The following FN1 variants were observed in gnomAD, a reference collection of about 807,000 sequenced individuals.
FN1 encodes the protein fibronectin.
A neutral mutation model predicts 297.3 loss-of-function variants in FN1; 106 were observed. The ratio of observed to expected loss-of-function variants is 0.36; its 90% CI spans 0.30 to 0.42. FN1 has a LOEUF of 0.42. Ranked by LOEUF, FN1 falls within the 10% of genes least tolerant of loss-of-function variation. FN1 has a pLI of 1.00. For missense variants in FN1, 2,690 were observed against 3,124.9 expected (o/e 0.86, Z 3.32); for synonymous variants, 1,149 against 1,152.6 (o/e 1.00, Z 0.06).
In FN1 at chr2:215,397,848, G is replaced by C. The variant is rs1559461504; in HGVS notation, c.3349C>G (p.Leu1117Val). 3 of 1,613,958 alleles carry C rather than the reference G, an allele frequency of 1.9e-6. No individual in the cohort carries two copies. The highest frequency in any genetic ancestry group is 1.7e-6 in the Non-Finnish European group (2 of 1,179,846). Reference protein sequence around the residue: ...WTPAPRIGFKLGVRPSQGGEA... With the variant: ...WTPAPRIGFKVGVRPSQGGEA... ...CCTCCCTGGCTTGGTCGTACACCCA[G>C]CTAGAGGAAGGAATGCAAAGTAAAC... Residue 1117 changes from leucine to valine, a missense_variant and splice_region_variant, in exon 22 of 46, where the codon CTG (leucine) becomes GTG (valine). By Grantham distance (32) the Leu-to-Val change is conservative (BLOSUM62 1). Transcript: ENST00000354785.
intron 9 of FN1, 48 bp from the exon 10 acceptor site, chr2:215,422,291 C>A (rs1353751712): frequency 6.4e-7 from 1 of 1,566,838 alleles, no homozygotes; most frequent in South Asian, 1.1e-5. Context: ...ATCACCAGGT[C>A]TAAACATGTA....
Position 215,392,244 on chromosome 2 carries a change from G to A in FN1, c.4070-430C>T. On this transcript the variant is annotated intron_variant, in intron 25 of 45. Transcript: ENST00000354785. ...AACTTCCCCCCATGTGAGATATCTA[G>A]AGCTACAGTTCCATTCAGTGAATTC... 3 of 216,444 alleles carry A rather than the reference G, an allele frequency of 1.4e-5. No homozygotes were observed. In the South Asian group the frequency reaches 2.1e-4, roughly 15 times the overall value. The allele number at this position is 216,444 out of a possible 1,614,324, so 13.4% of individuals were successfully genotyped here.
At chr2:215,405,191 C>A (rs182062621) in intron 19 of FN1, among the ~76,000 whole-genome samples, 13 of 152,256 alleles carry the variant, frequency 8.5e-5, no homozygotes, top group African/African-American at 2.9e-4. Flanking sequence ...TGGTAGGATA[C>A]TGGTGAGTTT....
chr2:215,428,171 G>A lies in FN1; in HGVS notation c.844+9C>T. 1 of 1,613,854 alleles carries A rather than the reference G, an allele frequency of 6.2e-7. No homozygotes were observed. Among genetic ancestry groups the A allele is most frequent in the Non-Finnish European group, 8.5e-7 (1 of 1,180,018 alleles). On this transcript the variant is annotated intron_variant, in intron 6 of 45. Coordinates refer to ENST00000354785, the MANE Select transcript of FN1 (RefSeq NM_212482.4). ...CCCATTTCCCGCCCCTGCTCGTCCT[G>A]TGCCTCACCGCTCGATGTGGTCTGC...
intron 18 of FN1, 78 bp from the exon 19 acceptor site, chr2:215,406,588 T>C (rs2061804554): frequency 1.0e-5 from 15 of 1,470,958 alleles, no homozygotes; most frequent in Non-Finnish European, 1.4e-5. Context: ...TTGGATATGT[T>C]AGGCAGTTCA....
At chr2:215,369,923 C>G (rs2055497961) in intron 41 of FN1, among the ~76,000 whole-genome samples, 1 of 152,144 alleles carries the variant, frequency 6.6e-6, no homozygotes, top group African/African-American at 2.4e-5. Context: ...AAGAGGACAG[C>G]AGCATGGTGA....
At chr2:215,401,267 GAAAGGAAAGGA>G (rs2061108007) in intron 20 of FN1, among the ~76,000 whole-genome samples, 36 of 87,380 alleles carry the variant, frequency 4.1e-4, no homozygotes, top group African/African-American at 7.9e-4. Context: ...AGAAAGGAAG[GAAAGGAAAGGA>G]AAGGAAGAAA....
chr2:215,367,417 G>A (rs189184283), intron 42 of FN1, among the ~76,000 whole-genome samples: 3 of 152,244 alleles, frequency 2.0e-5, no homozygotes, highest in Non-Finnish European at 4.4e-5. Flanking sequence ...GTGTGCATGG[G>A]TACTATGATA....
At chr2:215,407,519 C>A (rs1046015917) in intron 17 of FN1, among the ~76,000 whole-genome samples, 198 bp from the exon 18 acceptor site, 3 of 152,178 alleles carry the variant, frequency 2.0e-5, no homozygotes, top group African/African-American at 7.2e-5. Flanking sequence ...TAAGAACAGT[C>A]ATGCGAACCT....
chr2:215,407,754 G>T (rs1046046917), intron 17 of FN1, among the ~76,000 whole-genome samples: 1 of 152,136 alleles, frequency 6.6e-6, no homozygotes, highest in Non-Finnish European at 1.5e-5. Context: ...TAAGACGACA[G>T]CTCAGCTTTC....
intron 25 of FN1, 65 bp downstream of exon 25, chr2:215,392,866 C>A: frequency 6.4e-7 from 1 of 1,568,096 alleles, no homozygotes; most frequent in South Asian, 1.1e-5. Context: ...CATATTTAAC[C>A]GGAGTAACTG....
rs1575950052 is a variant in FN1 at position 215,435,902 on chromosome 2, C to A, written c.-100G>T. On this transcript the variant is annotated 5_prime_UTR_variant, in exon 1 of 46. Coordinates refer to ENST00000354785, the MANE Select transcript of FN1 (RefSeq NM_212482.4). Reference sequence around the variant, plus strand: ...GGGAAAAATCCCTTCTAATGCCTCCCGGGGGTTGTCGCCTCCAAGAAGGTG... The same window carrying A: ...GGGAAAAATCCCTTCTAATGCCTCCAGGGGGTTGTCGCCTCCAAGAAGGTG... 2 of 1,390,656 alleles carry A rather than the reference C, an allele frequency of 1.4e-6. No homozygotes were observed. The highest frequency in any genetic ancestry group is 2.4e-5 in the Admixed American group (1 of 41,046). 86.1% of individuals were successfully genotyped at this position (1,390,656 alleles called of 1,614,324 possible).
At chr2:215,392,600 G>C in intron 25 of FN1, 1 of 357,210 alleles carries the variant, frequency 2.8e-6, no homozygotes. Context: ...TACGCAATTT[G>C]GTATTCGTGT....
At chr2:215,434,655 T>A (rs1300879303) in intron 2 of FN1, 41 bp downstream of exon 2, 1 of 1,612,064 alleles carries the variant, frequency 6.2e-7, no homozygotes. Context: ...TACCACTTCA[T>A]GTATTAAAAG....
At chr2:215,366,480 C>T (rs1446358429) in intron 42 of FN1, among the ~76,000 whole-genome samples, 1 of 152,078 alleles carries the variant, frequency 6.6e-6, no homozygotes, top group Non-Finnish European at 1.5e-5. Flanking sequence ...CAAAAGCAAA[C>T]AAAATGCTAA....
At chr2:215,396,710 A>G (rs534138590) in intron 23 of FN1, among the ~76,000 whole-genome samples, 1 of 152,306 alleles carries the variant, frequency 6.6e-6, no homozygotes, top group East Asian at 1.9e-4. Flanking sequence ...TCACCCTTAA[A>G]TATTTGTGGT....
rs1350331592 is a variant in FN1 at position 215,384,173 on chromosome 2, G to A, written c.4741C>T (p.Pro1581Ser). The change falls in exon 30 of 46, where the codon CCT becomes TCT. Residue 1581 changes from proline (P) to serine (S), a missense_variant. Physicochemically the swap from Pro to Ser is moderately conservative, Grantham distance 74 (BLOSUM62 -1). Around this residue, in one of 3 missense-constraint regions of FN1, gnomAD observed 1,743 missense variants for 1,945.2 expected, o/e 0.90. Transcript: ENST00000354785. ...CCAGGCACAGTGAACTCCTGGACAG[G>A]GCTATTTCCTCCTGTATGAAAAAGG... ...ITYGETGGNS[P>S]VQEFTVPGSK... The A allele has an allele frequency of 6.2e-7, 1 of 1,614,052 alleles. No homozygotes were observed. Among genetic ancestry groups the A allele is most frequent in the African/African-American group, 1.3e-5 (1 of 74,986 alleles).
intron 3 of FN1, 104 bp downstream of exon 3, chr2:215,433,220 A>C (rs2066838713): frequency 2.7e-6 from 4 of 1,474,294 alleles, no homozygotes; most frequent in Non-Finnish European, 3.8e-6. Flanking sequence ...GGCAAACCTC[A>C]AAGTTCGGAA....
chr2:215,380,346 C>A, intron 33 of FN1: 1 of 178,144 alleles, frequency 5.6e-6, no homozygotes, highest in South Asian at 1.3e-4. Context: ...GTCTAAATCA[C>A]AATCATTTAA....
Sources: gnomAD v4.1 joint callset for allele counts (sites outside exome capture counted in the v4.1 genomes callset) on GRCh38, gnomAD v4.1.1 for gene constraint, gnomAD v4.1.1 regional missense constraint, MANE v1.5 for transcripts, NCBI Gene and HGNC (gene_info 2026-07-23, HGNC 2026-07-21) for gene names.